The following STUB1 variants were observed in gnomAD, a reference collection of about 807,000 sequenced individuals.
The protein encoded by STUB1 is STIP1 homology and U-box containing protein 1.
STUB1 carries 37 observed loss-of-function variants against 40.3 expected under a neutral mutation model. The observed-to-expected ratio is 0.92, with a 90% CI of 0.71 to 1.21. The LOEUF (loss-of-function observed/expected upper bound fraction) is 1.21, where lower values mean the gene tolerates loss of function less well. Ranked by LOEUF, STUB1 falls within the 50% of genes most tolerant of loss-of-function variation. STUB1 has a pLI of 0.00. For missense variants in STUB1, 460 were observed against 421.9 expected (o/e 1.09, Z -0.79); for synonymous variants, 246 against 171.9 (o/e 1.43, Z -3.37).
At position 682,414 on chromosome 16, in the gene STUB1, G is replaced by A. The variant is rs763399297; in HGVS notation, c.837G>A (p.Gln279=). The change falls in exon 7 of 7, where the codon CAG becomes CAA. Residue 279 remains glutamine (Q), a synonymous_variant. Coordinates refer to ENST00000219548, the MANE Select transcript of STUB1 (RefSeq NM_005861.4). The part of the protein sequence containing the change: ...PVTRSPLTQE[Q]LIPNLAMKEV... Reference sequence around the variant, plus strand: ...CCCGGAGCCCCCTGACCCAGGAACAGCTCATCCCCAACTTGGCTATGAAGG... The same window carrying A: ...CCCGGAGCCCCCTGACCCAGGAACAACTCATCCCCAACTTGGCTATGAAGG... 8 of 1,613,398 alleles carry A rather than the reference G, an allele frequency of 5.0e-6. No individual in the cohort carries two copies. The highest frequency in any genetic ancestry group is 4.5e-5 in the East Asian group (2 of 44,886).
chr16:681,740 T>C, intron 3 of STUB1, 53 bp from the exon 4 acceptor site: 1 of 1,554,480 alleles, frequency 6.4e-7, no homozygotes, highest in Non-Finnish European at 8.7e-7. Context: ...GATTGGGGTG[T>C]GGTCAGACAT....
rs769400605 is a variant in STUB1 at position 682,034 on chromosome 16, G to T, written c.627G>T (p.Ala209=). 1.3e-6 allele frequency: 2 copies of T among 1,592,492 alleles called. No individual in the cohort carries two copies. The highest frequency in any genetic ancestry group is 2.7e-5 in the African/African-American group (2 of 74,548). Residue 209 remains alanine (A), a synonymous_variant, in exon 5 of 7, where the codon GCG becomes GCT. Coordinates refer to ENST00000219548, the MANE Select transcript of STUB1 (RefSeq NM_005861.4). ...ACTCTTCACAGGACAAGTACATGGC[G>T]GACATGGACGAGCTTTTTTCTCAGG... ...CIEAKHDKYM[A]DMDELFSQVD... is the part of the protein sequence containing the mutation.
chr16:681,150 A>C lies in STUB1; in HGVS notation c.160-2A>C. 1 of 1,554,276 alleles carries C rather than the reference A, an allele frequency of 6.4e-7. No homozygotes were observed. The highest frequency in any genetic ancestry group is 8.7e-7 in the Non-Finnish European group (1 of 1,149,268). The stretch of plus-strand genomic sequence containing the variant: ...TGCGGCTGGCCCGGCCTTGGTCCCT[A>C]GACCCGGAACCCGCTGGTGGCCGTG... On this transcript the variant is annotated splice_acceptor_variant, in intron 1 of 6. Coordinates refer to ENST00000219548, the MANE Select transcript of STUB1 (RefSeq NM_005861.4). LOFTEE classifies it high-confidence loss of function.
rs1435127198 is a variant in STUB1, at chr16:682,704, G to A, written c.*215G>A. 1.1e-5 allele frequency: 16 copies of A among 1,485,692 alleles called. No individual in the cohort carries two copies. The South Asian group carries it at 1.7e-4, about 16-fold the overall frequency. 92.0% of individuals were successfully genotyped at this position (1,485,692 alleles called of 1,614,324 possible). On this transcript the variant is annotated 3_prime_UTR_variant, in exon 7 of 7. Coordinates refer to ENST00000219548, the MANE Select transcript of STUB1 (RefSeq NM_005861.4). ...GCAGGTGAGGGTGGGCTGGGCTGAG[G>A]CCATTGCCGCCACTATCTGTGTAAT...
Position 681,480 on chromosome 16 carries a change from A to C in STUB1, c.401A>C (p.Asp134Ala). Residue 134 changes from aspartate to alanine, a missense_variant, in exon 3 of 7, where the codon GAC (aspartate) becomes GCC (alanine). Asp to Ala is a moderately radical substitution (Grantham distance 126). Transcript: ENST00000219548. ...AKEQRLNFGD[D>A]IPSALRIAKK... ...GAGCAGCGGCTGAACTTCGGGGACG[A>C]CATCCCCAGCGCTCTTCGAATCGCG... is the stretch of plus-strand genomic sequence containing the variant. 5 of 1,612,700 alleles carry C rather than the reference A, an allele frequency of 3.1e-6. No homozygotes were observed. Among genetic ancestry groups the C allele is most frequent in the Non-Finnish European group, 3.4e-6 (4 of 1,179,898 alleles).
intron 3 of STUB1, 43 bp from the exon 4 acceptor site, chr16:681,750 T>C: frequency 6.4e-6 from 10 of 1,563,924 alleles, no homozygotes; most frequent in East Asian, 2.3e-5. Context: ...TGGTCAGACA[T>C]CTGGCCAGGT....
In STUB1 at chr16:680,685, G is replaced by T; in HGVS notation, c.159+1G>T. 1 of 1,249,978 alleles carries T rather than the reference G, an allele frequency of 8.0e-7. No homozygotes were observed. The allele number at this position is 1,249,978 out of a possible 1,614,324, so 77.4% of individuals were successfully genotyped here. On this transcript the variant is annotated splice_donor_variant, in intron 1 of 6. Coordinates refer to ENST00000219548, the MANE Select transcript of STUB1 (RefSeq NM_005861.4). LOFTEE classifies it high-confidence loss of function. This position sits in a 1 kb window ranked among gnomAD's most constrained non-coding sequence, Gnocchi z 4.9. ...GGCGGCCTGCTACGGCCGCGCGATC[G>T]TGAGTGCGCCCGCGCGGGGAGGGCG...
Position 681,898 on chromosome 16 carries a change from C to G in STUB1, c.612+18C>G. On this transcript the variant is annotated intron_variant, in intron 4 of 6. Transcript: ENST00000219548. ...CCAAGCACGTGAGGGTGCCCCCCAC[C>G]CACATGTGGGTCTGTGTGTGTGCAC... The G allele has an allele frequency of 1.2e-6, 2 of 1,612,948 alleles. No homozygotes were observed. The highest frequency in any genetic ancestry group is 2.2e-5 in the East Asian group (1 of 44,878).
rs1555475290 is a variant in STUB1 at position 682,064 on chromosome 16, T to C, written c.657T>C (p.Asp219=). Residue 219 remains aspartate, a synonymous_variant, in exon 5 of 7, where the codon GAT becomes GAC. Transcript: ENST00000219548. ...ADMDELFSQV[D]EKRKKRDIPD... The stretch of plus-strand genomic sequence containing the variant: ...TGGACGAGCTTTTTTCTCAGGTGGA[T>C]GAGAAGAGGAAGGTGAGTGTGTGTC... 7 of 1,583,808 alleles carry C rather than the reference T, an allele frequency of 4.4e-6. 1 individual carries two copies. The South Asian group carries it at 4.5e-5, about 10-fold the overall frequency.
At position 682,500 on chromosome 16, in the gene STUB1, C is replaced by T. The variant is rs774729566; in HGVS notation, c.*11C>T. The stretch of plus-strand genomic sequence containing the variant: ...GTGGAGGACTACTGAGGTTCCCTGC[C>T]CTACCTGGCGTCCTGGTCCAGGGGA... On this transcript the variant is annotated 3_prime_UTR_variant, in exon 7 of 7. Transcript: ENST00000219548. 8 of 1,612,920 alleles carry T rather than the reference C, an allele frequency of 5.0e-6. No individual in the cohort carries two copies. Among genetic ancestry groups the T allele is most frequent in the East Asian group, 2.2e-5 (1 of 44,898 alleles).
rs985699317 is a variant in STUB1 at position 681,591 on chromosome 16, C to T, written c.512C>T (p.Ala171Val). Residue 171 changes from alanine to valine, a missense_variant, in exon 3 of 7, where the codon GCG becomes GTG. By Grantham distance (64) the Ala-to-Val change is moderately conservative. Transcript: ENST00000219548. ...TCCTACCTCTCCAGGCTCATTGCCG[C>T]GGAGCGTGAGAGGTGGGACCCTCAC... ...LHSYLSRLIA[A>V]ERERELEECQ... 6.8e-6 allele frequency: 11 copies of T among 1,608,736 alleles called. No individual in the cohort carries two copies. Among genetic ancestry groups the T allele is most frequent in the South Asian group, 1.1e-5 (1 of 90,826 alleles).
Position 681,832 on chromosome 16 carries a change from G to C in STUB1, c.564G>C (p.Glu188Asp). The C allele has an allele frequency of 1.2e-6, 2 of 1,610,208 alleles. No individual in the cohort carries two copies. The highest frequency in any genetic ancestry group is 1.1e-5 in the South Asian group (1 of 90,918). The change falls in exon 4 of 7, where the codon GAG becomes GAC. Residue 188 changes from glutamate to aspartate, a missense_variant. By Grantham distance (45) the Glu-to-Asp change is conservative. Transcript: ENST00000219548. The stretch of plus-strand genomic sequence containing the variant: ...GCCAGCGAAACCACGAGGGTGATGA[G>C]GACGACAGCCACGTCCGGGCCCAGC... ...EECQRNHEGD[E>D]DDSHVRAQQA...
Position 682,498 on chromosome 16 carries a change from G to A in STUB1, c.*9G>A. The A allele has an allele frequency of 6.2e-7, 1 of 1,613,070 alleles. No homozygotes were observed. Among genetic ancestry groups the A allele is most frequent in the Non-Finnish European group, 8.5e-7 (1 of 1,179,944 alleles). ...GGGTGGAGGACTACTGAGGTTCCCT[G>A]CCCTACCTGGCGTCCTGGTCCAGGG... On this transcript the variant is annotated 3_prime_UTR_variant, in exon 7 of 7. Transcript: ENST00000219548.
In STUB1 at chr16:681,291, T is replaced by C; in HGVS notation, c.299T>C (p.Leu100Pro). ...CAGTCTGTGAAGGCGCACTTCTTCCTGGGGCAGTGCCAGCTGGAGATGGAG... is the reference window on the plus strand; with the variant it reads ...CAGTCTGTGAAGGCGCACTTCTTCCCGGGGCAGTGCCAGCTGGAGATGGAG... ...DGQSVKAHFF[L>P]GQCQLEMESY... The change falls in exon 2 of 7, where the codon CTG (leucine) becomes CCG (proline). Residue 100 changes from leucine (L) to proline (P), a missense_variant. Physicochemically the swap from Leu to Pro is moderately conservative, Grantham distance 98. Coordinates refer to ENST00000219548, the MANE Select transcript of STUB1 (RefSeq NM_005861.4). 1 of 1,612,894 alleles carries C rather than the reference T, an allele frequency of 6.2e-7. No homozygotes were observed. Among genetic ancestry groups the C allele is most frequent in the Non-Finnish European group, 8.5e-7 (1 of 1,179,984 alleles).
rs2039644942 is a variant in STUB1 at position 681,187 on chromosome 16, C to T, written c.195C>T (p.Asn65=). 19 of 1,590,542 alleles carry T rather than the reference C, an allele frequency of 1.2e-5. No homozygotes were observed. Among genetic ancestry groups the T allele is most frequent in the Non-Finnish European group, 1.6e-5 (19 of 1,169,412 alleles). ...RNPLVAVYYT[N]RALCYLKMQQ... is the part of the protein sequence containing the mutation. ...CGCTGGTGGCCGTGTATTACACCAA[C>T]CGGGCCTTGTGCTACCTGAAGATGC... is the stretch of plus-strand genomic sequence containing the variant. Residue 65 remains asparagine (N), a synonymous_variant, in exon 2 of 7, where the codon AAC becomes AAT. Transcript: ENST00000219548.
rs755200477 is a variant in STUB1, at chr16:681,990, C to T, written c.613-30C>T. 1.9e-5 allele frequency: 30 copies of T among 1,610,370 alleles called. No individual in the cohort carries two copies. The Admixed American group carries it at 4.3e-4, about 23-fold the overall frequency. ...CATGGAGGAGGGAGGTGGGGTGTCT[C>T]CCCCAAGCACAGCACTCAACTCTTC... On this transcript the variant is annotated intron_variant, in intron 4 of 6. Coordinates refer to ENST00000219548, the MANE Select transcript of STUB1 (RefSeq NM_005861.4).
chr16:680,620 AG>A lies in STUB1; in HGVS notation c.98del (p.Gly33AlafsTer39). ...CCGAGCGCGCAGGAGCTCAAGGAGC[AG>A]GGCAATCGTCTGTTCGTGGGCCGAA... is the stretch of plus-strand genomic sequence containing the variant. Reference protein sequence around the residue: ...KSPSAQELKEQGNRLFVGRKY... With the variant: ...KSPSAQELKEXGNRLFVGRKY... On this transcript the variant is annotated frameshift_variant, in exon 1 of 7. Transcript: ENST00000219548. LOFTEE classifies it high-confidence loss of function. This position sits in a 1 kb window ranked among gnomAD's most constrained non-coding sequence, Gnocchi z 4.9. The A allele has an allele frequency of 7.2e-7, 1 of 1,395,914 alleles. No homozygotes were observed. The highest frequency in any genetic ancestry group is 9.4e-7 in the Non-Finnish European group (1 of 1,064,682). The allele number at this position is 1,395,914 out of a possible 1,614,324, so 86.5% of individuals were successfully genotyped here. A position where few individuals can be genotyped will look rare whatever the true frequency, so the allele number is the denominator to read the frequency against.
chr16:681,971 G>A lies in STUB1; in HGVS notation c.613-49G>A, dbSNP rs545121101. 3 of 1,612,420 alleles carry A rather than the reference G, an allele frequency of 1.9e-6. No individual in the cohort carries two copies. In the African/African-American group the frequency reaches 4.0e-5, roughly 21 times the overall value. On this transcript the variant is annotated intron_variant, in intron 4 of 6. Coordinates refer to ENST00000219548, the MANE Select transcript of STUB1 (RefSeq NM_005861.4). ...TTGTGTTGGGTCTGTGCCCCATGGA[G>A]GAGGGAGGTGGGGTGTCTCCCCCAA... is the stretch of plus-strand genomic sequence containing the variant.
rs1266167362 is a variant in STUB1 at position 681,537 on chromosome 16, G to T, written c.458G>T (p.Arg153Leu). ...KKKRWNSIEE[R>L]RIHQESELHS... Reference sequence around the variant, plus strand: ...AAGCGCTGGAACAGCATTGAGGAGCGGCGCATCCACCAGGAGAGCGAGCTG... The same window carrying T: ...AAGCGCTGGAACAGCATTGAGGAGCTGCGCATCCACCAGGAGAGCGAGCTG... The change falls in exon 3 of 7, where the codon CGG becomes CTG. Residue 153 changes from arginine to leucine, a missense_variant. By Grantham distance (102) the Arg-to-Leu change is moderately radical. Coordinates refer to ENST00000219548, the MANE Select transcript of STUB1 (RefSeq NM_005861.4). The T allele has an allele frequency of 6.2e-7, 1 of 1,612,138 alleles. No homozygotes were observed. Among genetic ancestry groups the T allele is most frequent in the Admixed American group, 1.7e-5 (1 of 60,002 alleles).
Sources: allele counts gnomAD v4.1 joint callset, GRCh38; gene constraint gnomAD v4.1.1; non-coding constraint Gnocchi (gnomAD v3.1); transcripts MANE v1.5; gene names NCBI Gene and HGNC (gene_info 2026-07-23, HGNC 2026-07-21).